The following RFX1 variants were observed in gnomAD, a reference collection of about 807,000 sequenced individuals.
RFX1 encodes MHC class II regulatory factor RFX1.
In RFX1, 42 loss-of-function variants were observed where a neutral mutation model predicts 119.6. The observed-to-expected ratio is 0.35, with a 90% CI of 0.27 to 0.45. RFX1 has a LOEUF of 0.45. Ranked by LOEUF, RFX1 falls within the 20% of genes least tolerant of loss-of-function variation. The pLI, the probability that RFX1 is intolerant of heterozygous loss-of-function variation, is 1.00. For missense variants in RFX1, 1,118 were observed against 1,368.1 expected (o/e 0.82, Z 2.88); for synonymous variants, 628 against 618.5 (o/e 1.02, Z -0.23).
chr19:13,987,897 G>GA (rs1974658487), intron 2 of RFX1, among the ~76,000 whole-genome samples: 1 of 152,140 alleles, frequency 6.6e-6, no homozygotes, highest in South Asian at 2.1e-4. Flanking sequence ...GTACCCTCCT[G>GA]GGAACACTAC....
chr19:14,003,160 A>G (rs1225356188), intron 1 of RFX1, among the ~76,000 whole-genome samples: 1 of 152,058 alleles, frequency 6.6e-6, no homozygotes, highest in Admixed American at 6.6e-5. Context: ...TACTTTTTGT[A>G]TTTTTAGTAG....
Position 13,986,570 on chromosome 19 carries a change from G to C in RFX1, c.320-2975C>G, listed in dbSNP as rs992155357. ...GGGAGGAGAAGCCAGGAGGGGAAGT[G>C]GGGGGTGGCACTGAGTCTGCGAGCG... On this transcript the variant is annotated intron_variant, in intron 2 of 20. Transcript: ENST00000254325. This position sits in a 1 kb window ranked among gnomAD's most constrained non-coding sequence, Gnocchi z 4.2. Among the ~76,000 whole-genome samples the C allele has an allele frequency of 1.3e-5, 2 of 152,170 alleles. No individual in the cohort carries two copies. The highest frequency in any genetic ancestry group is 2.9e-5 in the Non-Finnish European group (2 of 68,010).
rs1442327062 is a variant in RFX1 at position 13,966,066 on chromosome 19, C to T, written c.1962-289G>A. The stretch of plus-strand genomic sequence containing the variant: ...CCCAGCGTCAGAAGGGCACAGGTAC[C>T]CCCGTCCCCAGGTAAGTACCCCCTG... On this transcript the variant is annotated intron_variant, in intron 14 of 20. Coordinates refer to ENST00000254325, the MANE Select transcript of RFX1 (RefSeq NM_002918.5). This position sits in a 1 kb window ranked among gnomAD's most constrained non-coding sequence, Gnocchi z 6.3. 6.6e-6 allele frequency among the ~76,000 whole-genome samples: 1 copy of T among 152,148 alleles called. No individual in the cohort carries two copies. The highest frequency in any genetic ancestry group is 2.1e-4 in the South Asian group (1 of 4,832).
chr19:13,969,684 G>T lies in RFX1; in HGVS notation c.1496+310C>A. ...CCAAAAAAAAAAAAAAGTCACGTGT[G>T]AGCGTGCTGAATGCTAAAGAGAAAA... On this transcript the variant is annotated intron_variant, in intron 10 of 20. Transcript: ENST00000254325. This position sits in a 1 kb window ranked among gnomAD's most constrained non-coding sequence, Gnocchi z 4.5. The T allele has an allele frequency of 6.7e-6, 2 of 299,254 alleles. No individual in the cohort carries two copies. Among genetic ancestry groups the T allele is most frequent in the Non-Finnish European group, 6.2e-6 (1 of 160,684 alleles). The allele number at this position is 299,254 out of a possible 1,614,324, so 18.5% of individuals were successfully genotyped here.
Position 13,979,475 on chromosome 19 carries a change from C to T in RFX1, c.806G>A (p.Gly269Asp). The T allele has an allele frequency of 1.3e-6, 2 of 1,587,282 alleles. No individual in the cohort carries two copies. Among genetic ancestry groups the T allele is most frequent in the Non-Finnish European group, 8.6e-7 (1 of 1,166,972 alleles). Residue 269 changes from glycine (G) to aspartate (D), a missense_variant, in exon 7 of 21, where the codon GGC becomes GAC. Transcript: ENST00000254325. ...TTGAGCCACGTGGACTGGCTGGAGGCCCTGCACGGTCAGCGGCTGCACCGG... is the reference window on the plus strand; with the variant it reads ...TTGAGCCACGTGGACTGGCTGGAGGTCCTGCACGGTCAGCGGCTGCACCGG... Reference protein sequence around the residue: ...PGPVQPLTVQGLQPVHVAQEV... With the variant: ...PGPVQPLTVQDLQPVHVAQEV...
intron 1 of RFX1, among the ~76,000 whole-genome samples, chr19:14,005,576 G>C (rs985418604): frequency 1.8e-4 from 27 of 152,244 alleles, no homozygotes; most frequent in African/African-American, 6.5e-4. Flanking sequence ...TGAGGCCTCA[G>C]ATGGACAGGC....
At position 13,994,879 on chromosome 19, in the gene RFX1, T is replaced by C. The variant is rs552745997; in HGVS notation, c.-52-984A>G. Among the ~76,000 whole-genome samples, 6 of 127,650 alleles carry C rather than the reference T, an allele frequency of 4.7e-5. No individual in the cohort carries two copies. The South Asian group carries it at 1.5e-3, about 31-fold the overall frequency. The allele number at this position is 127,650 out of a possible 152,430, so 83.7% of individuals were successfully genotyped here. A position where few individuals can be genotyped will look rare whatever the true frequency, so the allele number is the denominator to read the frequency against. ...CATGTATATATATTGTATATGTATATTGAAATATACATACATATATATATA... is the reference window on the plus strand; with the variant it reads ...CATGTATATATATTGTATATGTATACTGAAATATACATACATATATATATA... On this transcript the variant is annotated intron_variant, in intron 1 of 20. Transcript: ENST00000254325.
intron 1 of RFX1, among the ~76,000 whole-genome samples, chr19:13,996,395 A>T (rs1975019913): frequency 6.6e-6 from 1 of 152,078 alleles, no homozygotes; most frequent in Non-Finnish European, 1.5e-5. Context: ...CTGCACTAAC[A>T]CTCAGCACCC....
intron 1 of RFX1, among the ~76,000 whole-genome samples, chr19:13,996,069 G>T (rs924246320): frequency 6.6e-6 from 1 of 152,056 alleles, no homozygotes; most frequent in Admixed American, 6.6e-5. Context: ...GAACAGGGCA[G>T]GCCTGGCTGT....
intron 5 of RFX1, among the ~76,000 whole-genome samples, chr19:13,981,624 C>A (rs113710359): frequency 2.0e-5 from 3 of 152,126 alleles, no homozygotes; most frequent in Non-Finnish European, 4.4e-5. Context: ...GGCTCAGAGG[C>A]CTGCCTAGAG....
At chr19:13,976,402 G>A (rs757764437) in intron 8 of RFX1, among the ~76,000 whole-genome samples, 2 of 152,234 alleles carry the variant, frequency 1.3e-5, no homozygotes, top group African/African-American at 2.4e-5. Context: ...CTGTGGAGAT[G>A]GGAGAGGGAA....
Position 13,963,291 on chromosome 19 carries a change from G to C in RFX1, c.2571-16C>G. ...CACCATGGAGCTGGGGATGGAGACG[G>C]AGAGGAGACCGTCAGGCCCCGTCCG... On this transcript the variant is annotated splice_polypyrimidine_tract_variant and intron_variant, in intron 18 of 20. Coordinates refer to ENST00000254325, the MANE Select transcript of RFX1 (RefSeq NM_002918.5). The C allele has an allele frequency of 1.2e-6, 2 of 1,603,198 alleles. No individual in the cohort carries two copies.
Position 13,963,199 on chromosome 19 carries a change from C to G in RFX1, c.2647G>C (p.Asp883His). 6.2e-7 allele frequency: 1 copy of G among 1,612,782 alleles called. No homozygotes were observed. Among genetic ancestry groups the G allele is most frequent in the Non-Finnish European group, 8.5e-7 (1 of 1,179,472 alleles). ...GSFHLIRLLY[D>H]EYMYYLIEHR... ...TCGATCAGGTAGTACATGTACTCGT[C>G]GTAGAGCAGCCGGATGAGGTGGAAG... The change falls in exon 19 of 21, where the codon GAC (aspartate) becomes CAC (histidine). Residue 883 changes from aspartate (D) to histidine (H), a missense_variant. By Grantham distance (81) the Asp-to-His change is moderately conservative (BLOSUM62 -1). Transcript: ENST00000254325.
In RFX1 at chr19:13,966,519, G is replaced by A. The variant is rs115706084; in HGVS notation, c.1863C>T (p.Asp621=). ...GGGTGAACTGCAGGTTCACCATGAC[G>A]TCGACAATGGCCTGTGGCAGAGGCG... ...LYREHCEAIV[D]VMVNLQFTLV... is the part of the protein sequence containing the mutation. The change falls in exon 14 of 21, where the codon GAC becomes GAT. Residue 621 remains aspartate, a synonymous_variant. Coordinates refer to ENST00000254325, the MANE Select transcript of RFX1 (RefSeq NM_002918.5). This position sits in a 1 kb window ranked among gnomAD's most constrained non-coding sequence, Gnocchi z 6.3. 19 of 1,573,578 alleles carry A rather than the reference G, an allele frequency of 1.2e-5. No homozygotes were observed. Among genetic ancestry groups the A allele is most frequent in the Middle Eastern group, 1.7e-4 (1 of 5,876 alleles).
intron 1 of RFX1, among the ~76,000 whole-genome samples, chr19:13,997,880 G>A (rs1975088548): frequency 6.6e-6 from 1 of 152,110 alleles, no homozygotes; most frequent in African/African-American, 2.4e-5. Flanking sequence ...CCGTGAGAGG[G>A]AAAAGGCTGC....
intron 2 of RFX1, among the ~76,000 whole-genome samples, chr19:13,984,094 C>T (rs1391761126): frequency 6.6e-6 from 1 of 150,542 alleles, no homozygotes; most frequent in Non-Finnish European, 1.5e-5. Context: ...GTCCTCCCTC[C>T]CTGCCCCTCT....
In RFX1 at chr19:13,978,485, C is replaced by A. The variant is rs544728919; in HGVS notation, c.835-399G>T. Among the ~76,000 whole-genome samples, 9 of 152,304 alleles carry A rather than the reference C, an allele frequency of 5.9e-5. No individual in the cohort carries two copies. In the South Asian group the frequency reaches 1.9e-3, roughly 32 times the overall value. On this transcript the variant is annotated intron_variant, in intron 7 of 20. Coordinates refer to ENST00000254325, the MANE Select transcript of RFX1 (RefSeq NM_002918.5). ...GGATGTGAGGGGCGGAGCCTGGGGC[C>A]CCGGTTGGTGGGACAGAACCTGGAA... is the stretch of plus-strand genomic sequence containing the variant.
At position 13,979,539 on chromosome 19, in the gene RFX1, A is replaced by G. The variant is rs759562849; in HGVS notation, c.742T>C (p.Ser248Pro). The G allele has an allele frequency of 2.5e-6, 4 of 1,583,502 alleles. No individual in the cohort carries two copies. Among genetic ancestry groups the G allele is most frequent in the Non-Finnish European group, 3.4e-6 (4 of 1,162,870 alleles). Residue 248 changes from serine (S) to proline (P), a missense_variant, in exon 7 of 21, where the codon TCT becomes CCT. Physicochemically the swap from Ser to Pro is moderately conservative, Grantham distance 74. This residue lies in a region of RFX1 where 542 missense variants were observed against 602.7 expected (regional missense o/e 0.90). Transcript: ENST00000254325. ...GCTTGTGGAGTGGCCTGGACCACAG[A>G]TCTCTGGGAGGGGAAAGGCAACAAT... The part of the protein sequence containing the change: ...QQSVPVTQER[S>P]VVQATPQAPK...
chr19:13,994,527 C>G (rs1974921536), intron 1 of RFX1, among the ~76,000 whole-genome samples: 1 of 151,888 alleles, frequency 6.6e-6, no homozygotes, highest in Non-Finnish European at 1.5e-5. Context: ...ACCAGCCTGG[C>G]CAACATGGTG....
Sources: allele counts gnomAD v4.1 joint callset (sites outside exome capture counted in the v4.1 genomes callset), GRCh38; gene constraint gnomAD v4.1.1; regional missense constraint gnomAD v4.1.1; non-coding constraint Gnocchi (gnomAD v3.1); transcripts MANE v1.5; gene names NCBI Gene and HGNC (gene_info 2026-07-23, HGNC 2026-07-21).